Variants in PKM observed in about 807,000 individuals in gnomAD.
The protein encoded by PKM is pyruvate kinase PKM.
In PKM, 18 loss-of-function variants were observed where a neutral mutation model predicts 49.8. The ratio of observed to expected loss-of-function variants is 0.36; its 90% CI spans 0.25 to 0.54. The LOEUF (loss-of-function observed/expected upper bound fraction) is 0.54, where lower values mean the gene tolerates loss of function less well. Ranked by LOEUF, PKM falls within the 20% of genes least tolerant of loss-of-function variation. PKM has a pLI of 0.89. For synonymous variants in PKM, 239 were observed against 261.8 expected (o/e 0.91, Z 0.84); for missense variants, 508 against 713.8 (o/e 0.71, Z 3.28).
intron 1 of PKM, among the ~76,000 whole-genome samples, chr15:72,230,719 AG>A (rs1256071315): frequency 6.6e-6 from 1 of 152,036 alleles, no homozygotes; most frequent in African/African-American, 2.4e-5. Flanking sequence ...AAGGAGGAAG[AG>A]GGGAAAACGA....
intron 8 of PKM, chr15:72,203,098 C>G: frequency 6.2e-7 from 1 of 1,614,148 alleles, no homozygotes; most frequent in Non-Finnish European, 8.5e-7. Flanking sequence ...ATGGCCATGG[C>G]TTCCATGAGG....
At chr15:72,220,616 CT>C (rs2082496607) in intron 1 of PKM, among the ~76,000 whole-genome samples, 2 of 152,218 alleles carry the variant, frequency 1.3e-5, no homozygotes, top group Non-Finnish European at 2.9e-5. Flanking sequence ...TGTGTATTTC[CT>C]AAGCCCCTAA....
chr15:72,210,397 C>T lies in PKM; in HGVS notation c.328G>A (p.Val110Met). The T allele has an allele frequency of 6.2e-7, 1 of 1,614,214 alleles. No individual in the cohort carries two copies. The highest frequency in any genetic ancestry group is 8.5e-7 in the Non-Finnish European group (1 of 1,180,036). ...SDPILYRPVA[V>M]ALDTKGPEIR... ...TCAGGTCCTTTAGTGTCTAGAGCCA[C>T]AGCAACGGGCCGGTAGAGGATGGGG... Residue 110 changes from valine (V) to methionine (M), a missense_variant, in exon 4 of 11, where the codon GTG (valine) becomes ATG (methionine). Val to Met is a conservative substitution (Grantham distance 21). Coordinates refer to ENST00000335181, the MANE Select transcript of PKM (RefSeq NM_002654.6).
Position 72,204,863 on chromosome 15 carries a change from T to C in PKM, c.1140+1865A>G, listed in dbSNP as rs1238844687. Among the ~76,000 whole-genome samples, 5 of 152,122 alleles carry C rather than the reference T, an allele frequency of 3.3e-5. 1 individual carries two copies. Among genetic ancestry groups the C allele is most frequent in the Non-Finnish European group, 7.4e-5 (5 of 68,010 alleles). ...CTTTGAGACCATGAAGTCACACGAT[T>C]AAGTAGGGAAATTAGAGAGAGGGGA... On this transcript the variant is annotated intron_variant, in intron 8 of 10. Coordinates refer to ENST00000335181, the MANE Select transcript of PKM (RefSeq NM_002654.6).
At chr15:72,211,911 C>G (rs1188165169) in intron 3 of PKM, among the ~76,000 whole-genome samples, 2 of 152,072 alleles carry the variant, frequency 1.3e-5, no homozygotes, top group African/African-American at 2.4e-5. Flanking sequence ...TAATTCAGCA[C>G]TTTCTGGGCC....
chr15:72,222,543 C>A (rs771287380), intron 1 of PKM: 1 of 152,460 alleles, frequency 6.6e-6, no homozygotes, highest in Non-Finnish European at 1.5e-5. Context: ...GGAAAGACTC[C>A]TCTCCCTCAT....
Position 72,202,414 on chromosome 15 carries a change from A to G in PKM, c.1307+40T>C. ...CCCAGGACCCCCAAGGTGAGGTACC[A>G]CTGAGCAGGGCATTCCAGGGAGCCG... On this transcript the variant is annotated intron_variant, in intron 9 of 10. Transcript: ENST00000335181. The surrounding 1 kb of genome is among the most constrained non-coding windows in gnomAD (Gnocchi z 4.5). 6.3e-7 allele frequency: 1 copy of G among 1,594,998 alleles called. No homozygotes were observed. The highest frequency in any genetic ancestry group is 1.1e-5 in the South Asian group (1 of 89,210).
At position 72,200,996 on chromosome 15, in the gene PKM, C is replaced by A. The variant is rs554496536; in HGVS notation, c.1308-341G>T. ...CTCTGACACAGAGAGGCAGCCCTGG[C>A]CCAATGTCACCAGCACCCATTCCTC... On this transcript the variant is annotated intron_variant, in intron 9 of 10. Transcript: ENST00000335181. The surrounding 1 kb of genome is among the most constrained non-coding windows in gnomAD (Gnocchi z 4.6). 7.8e-6 allele frequency: 2 copies of A among 257,994 alleles called. No individual in the cohort carries two copies. Among genetic ancestry groups the A allele is most frequent in the Non-Finnish European group, 1.5e-5 (2 of 132,634 alleles). The allele number at this position is 257,994 out of a possible 1,614,324, so 16.0% of individuals were successfully genotyped here.
chr15:72,225,623 A>G (rs1036694609), intron 1 of PKM, among the ~76,000 whole-genome samples: 3 of 152,218 alleles, frequency 2.0e-5, no homozygotes, highest in African/African-American at 7.2e-5. Flanking sequence ...TATACTGTAT[A>G]TATCACTGAG....
In PKM at chr15:72,199,511, C is replaced by A; in HGVS notation, c.*139G>T. On this transcript the variant is annotated 3_prime_UTR_variant, in exon 11 of 11. Coordinates refer to ENST00000335181, the MANE Select transcript of PKM (RefSeq NM_002654.6). ...CAAACACAGCCATGTTTCAGTGAGGCGTTGATCTTCTTCCCTGGTGTCCCA... is the reference window on the plus strand; with the variant it reads ...CAAACACAGCCATGTTTCAGTGAGGAGTTGATCTTCTTCCCTGGTGTCCCA... The A allele has an allele frequency of 2.8e-6, 2 of 721,106 alleles. No homozygotes were observed. The highest frequency in any genetic ancestry group is 5.1e-6 in the Non-Finnish European group (2 of 391,658). The allele number at this position is 721,106 out of a possible 1,614,324, so 44.7% of individuals were successfully genotyped here. A position where few individuals can be genotyped will look rare whatever the true frequency, so the allele number is the denominator to read the frequency against.
intron 6 of PKM, 78 bp from the exon 7 acceptor site, chr15:72,207,355 G>A (rs1237161528): frequency 3.9e-6 from 5 of 1,292,642 alleles, no homozygotes; most frequent in Admixed American, 1.7e-5. Flanking sequence ...AAGTTTCCCT[G>A]GGATTCCCTA....
chr15:72,206,370 C>G (rs1596733670), intron 8 of PKM: 1 of 245,988 alleles, frequency 4.1e-6, no homozygotes, highest in East Asian at 8.5e-5. Context: ...GAACTTCTGA[C>G]TCTGAGGAAG....
Position 72,202,396 on chromosome 15 carries a change from C to T in PKM, c.1307+58G>A, listed in dbSNP as rs2081966281. 7 of 1,535,272 alleles carry T rather than the reference C, an allele frequency of 4.6e-6. No homozygotes were observed. Among genetic ancestry groups the T allele is most frequent in the Non-Finnish European group, 6.2e-6 (7 of 1,120,524 alleles). On this transcript the variant is annotated intron_variant, in intron 9 of 10. Transcript: ENST00000335181. This position sits in a 1 kb window ranked among gnomAD's most constrained non-coding sequence, Gnocchi z 4.5. ...ATTGTTCAATGGACTGCTCCCAGGA[C>T]CCCCAAGGTGAGGTACCACTGAGCA...
intron 8 of PKM, among the ~76,000 whole-genome samples, chr15:72,205,862 T>C (rs1011160905): frequency 6.6e-6 from 1 of 152,094 alleles, no homozygotes; most frequent in African/African-American, 2.4e-5. Flanking sequence ...GTAACCCTGA[T>C]CAGGGATCCC....
Position 72,202,241 on chromosome 15 carries a change from A to AT in PKM, c.1307+212dup. ...CAGCATAAATTTGCTTTTGATCCAA[A>AT]TGTTCTGACATTCCTTATGAGTGCT... On this transcript the variant is annotated intron_variant, in intron 9 of 10. Transcript: ENST00000335181. This position sits in a 1 kb window ranked among gnomAD's most constrained non-coding sequence, Gnocchi z 4.5. 1.7e-6 allele frequency: 1 copy of AT among 595,722 alleles called. No individual in the cohort carries two copies. The highest frequency in any genetic ancestry group is 3.0e-6 in the Non-Finnish European group (1 of 333,788). 36.9% of individuals were successfully genotyped at this position (595,722 alleles called of 1,614,324 possible). A position where few individuals can be genotyped will look rare whatever the true frequency, so the allele number is the denominator to read the frequency against.
At chr15:72,210,564 C>T in intron 3 of PKM, 86 bp from the exon 4 acceptor site, 1 of 1,492,360 alleles carries the variant, frequency 6.7e-7, no homozygotes, top group South Asian at 1.1e-5. Flanking sequence ...AAGCTGATCA[C>T]TCAGGAAAGG....
At chr15:72,211,060 A>T (rs1251532862) in intron 3 of PKM, among the ~76,000 whole-genome samples, 5 of 151,164 alleles carry the variant, frequency 3.3e-5, no homozygotes, top group African/African-American at 7.3e-5. Flanking sequence ...TGATTTTCTC[A>T]ATCGCTTTGT....
chr15:72,203,792 C>A, intron 8 of PKM: 1 of 155,664 alleles, frequency 6.4e-6, no homozygotes, highest in Admixed American at 6.2e-5. Flanking sequence ...CGTGGGCTAA[C>A]TTGTGAGAGG....
chr15:72,203,871 G>T (rs540675718), intron 8 of PKM: 1 of 152,456 alleles, frequency 6.6e-6, no homozygotes, highest in East Asian at 1.9e-4. Context: ...TAAGACACTT[G>T]ATTAAAATCT....
Sources: gnomAD v4.1 joint callset for allele counts (sites outside exome capture counted in the v4.1 genomes callset) on GRCh38, gnomAD v4.1.1 for gene constraint, Gnocchi (gnomAD v3.1) non-coding constraint, MANE v1.5 for transcripts, NCBI Gene and HGNC (gene_info 2026-07-23, HGNC 2026-07-21) for gene names.